FHIT: variants seen among roughly 807,000 people sequenced by gnomAD.
The protein encoded by FHIT is fragile histidine triad diadenosine triphosphatase.
In FHIT, 19 loss-of-function variants were observed where a neutral mutation model predicts 17.9. The observed-to-expected ratio is 1.06, with a 90% CI of 0.74 to 1.56. FHIT has a LOEUF of 1.56. Among genes scored for constraint, FHIT ranks in the 40% most tolerant of loss-of-function variants. The pLI, the probability that FHIT is intolerant of heterozygous loss-of-function variation, is 0.00. For missense variants in FHIT, 248 were observed against 189.2 expected, an observed-to-expected ratio of 1.31 and a Z score of -1.82; for synonymous variants, 81 against 69.7, an observed-to-expected ratio of 1.16 and a Z score of -0.81.
chr3:60,685,146 CT>C (rs2040834320), intron 4 of FHIT, among the ~76,000 whole-genome samples: 2 of 152,202 alleles, frequency 1.3e-5, no homozygotes, highest in Admixed American at 1.3e-4. Flanking sequence ...TTGTCACATA[CT>C]CACAATTTTC....
At chr3:60,218,148 G>A (rs1487024879) in intron 5 of FHIT, among the ~76,000 whole-genome samples, 5 of 151,842 alleles carry the variant, frequency 3.3e-5, no homozygotes, top group African/African-American at 9.7e-5. Flanking sequence ...AACTTCTTTC[G>A]GTCGTCAATC....
intron 3 of FHIT, among the ~76,000 whole-genome samples, chr3:60,924,071 T>A (rs1707443436): frequency 6.6e-6 from 1 of 152,126 alleles, no homozygotes; most frequent in Admixed American, 6.5e-5. Context: ...AAGCTCGAAC[T>A]CGGTGGAGCC....
At chr3:60,711,918 G>C (rs1449869696) in intron 4 of FHIT, among the ~76,000 whole-genome samples, 1 of 152,092 alleles carries the variant, frequency 6.6e-6, no homozygotes, top group African/African-American at 2.4e-5. Context: ...AGGAAATACA[G>C]AGAACGCCAC....
chr3:61,081,560 T>C (rs1387296654), intron 2 of FHIT, among the ~76,000 whole-genome samples: 1 of 152,212 alleles, frequency 6.6e-6, no homozygotes, highest in African/African-American at 2.4e-5. Flanking sequence ...ATTTGGTCAA[T>C]TCAGGGCACC....
At chr3:60,928,513 C>T (rs1300401539) in intron 3 of FHIT, among the ~76,000 whole-genome samples, 2 of 150,634 alleles carry the variant, frequency 1.3e-5, no homozygotes, top group African/African-American at 2.4e-5. Flanking sequence ...TGTGCTACTG[C>T]ACTCCAGCCT....
chr3:61,197,836 T>A (rs2038897506), intron 2 of FHIT, among the ~76,000 whole-genome samples: 1 of 151,990 alleles, frequency 6.6e-6, no homozygotes, highest in Non-Finnish European at 1.5e-5. Context: ...AGGGATGACT[T>A]CTCCGCTTCT....
intron 1 of FHIT, among the ~76,000 whole-genome samples, chr3:61,216,894 A>G (rs1474974323): frequency 6.6e-6 from 1 of 151,958 alleles, no homozygotes; most frequent in Admixed American, 6.6e-5. Flanking sequence ...TATCGCAAGG[A>G]CAAAAAACCA....
At chr3:59,800,155 T>C (rs1413356208) in intron 8 of FHIT, among the ~76,000 whole-genome samples, 2 of 152,224 alleles carry the variant, frequency 1.3e-5, no homozygotes, top group Non-Finnish European at 2.9e-5. Context: ...AATTAAATTA[T>C]CAAATGCAAA....
intron 5 of FHIT, among the ~76,000 whole-genome samples, chr3:60,375,886 A>G (rs954948670): frequency 6.6e-6 from 1 of 152,176 alleles, no homozygotes; most frequent in Non-Finnish European, 1.5e-5. Flanking sequence ...GTTGCCCAAT[A>G]TGGTAGTCAT....
At chr3:60,825,320 T>C (rs1209073493) in intron 3 of FHIT, among the ~76,000 whole-genome samples, 1 of 152,208 alleles carries the variant, frequency 6.6e-6, no homozygotes. Flanking sequence ...AAATATGCTA[T>C]ATTTATATGA....
At chr3:60,411,130 A>T (rs1559891637) in intron 5 of FHIT, among the ~76,000 whole-genome samples, 1 of 152,182 alleles carries the variant, frequency 6.6e-6, no homozygotes, top group Non-Finnish European at 1.5e-5. Context: ...CTGCACCATC[A>T]TAGAACGATC....
At chr3:60,968,774 G>T (rs1346172682) in intron 3 of FHIT, among the ~76,000 whole-genome samples, 2 of 152,054 alleles carry the variant, frequency 1.3e-5, no homozygotes, top group African/African-American at 4.8e-5. Context: ...ATTTTGCTGA[G>T]ATTTTACCAT....
At chr3:60,635,704 T>C (rs1424645715) in intron 4 of FHIT, among the ~76,000 whole-genome samples, 1 of 152,168 alleles carries the variant, frequency 6.6e-6, no homozygotes, top group African/African-American at 2.4e-5. Context: ...TAAGACTGCA[T>C]AGTAAGTGGC....
intron 5 of FHIT, among the ~76,000 whole-genome samples, chr3:60,410,330 A>G (rs2107222615): frequency 6.6e-6 from 1 of 152,306 alleles, no homozygotes; most frequent in Non-Finnish European, 1.5e-5. Flanking sequence ...TACTAAAGAA[A>G]AGAAAGTCTA....
At chr3:59,947,346 G>T (rs890555244) in intron 7 of FHIT, among the ~76,000 whole-genome samples, 1 of 151,862 alleles carries the variant, frequency 6.6e-6, no homozygotes, top group African/African-American at 2.4e-5. Flanking sequence ...ATTTCTGGGG[G>T]GTTGGTGGTA....
chr3:61,178,439 T>A (rs1430384331), intron 2 of FHIT, among the ~76,000 whole-genome samples: 1 of 151,180 alleles, frequency 6.6e-6, no homozygotes, highest in Admixed American at 6.6e-5. Context: ...ATAAGAGGTG[T>A]TATTTTCAAG....
intron 2 of FHIT, among the ~76,000 whole-genome samples, chr3:61,163,305 C>T (rs1173204706): frequency 6.6e-6 from 1 of 152,214 alleles, no homozygotes; most frequent in East Asian, 1.9e-4. Flanking sequence ...TGACATTTAT[C>T]TGTCTGGATT....
chr3:61,211,517 A>G (rs902191559), intron 1 of FHIT, among the ~76,000 whole-genome samples: 6 of 152,212 alleles, frequency 3.9e-5, no homozygotes, highest in African/African-American at 1.4e-4. Context: ...TGAACTGGGT[A>G]GAGCCCACCA....
rs78549885 is a variant in FHIT at position 60,139,563 on chromosome 3, C to T, written c.104-125411G>A. Among the ~76,000 whole-genome samples the T allele has an allele frequency of 1.6e-3, 236 of 152,256 alleles. 2 individuals carry two copies. Among genetic ancestry groups the T allele is most frequent in the African/African-American group, 5.6e-3 (231 of 41,562 alleles). ...AGAAGCCTTGCACAATCCTCAGCTACTCATTGATCACACAGAATTGTAACC... is the reference window on the plus strand; with the variant it reads ...AGAAGCCTTGCACAATCCTCAGCTATTCATTGATCACACAGAATTGTAACC... On this transcript the variant is annotated intron_variant, in intron 5 of 9. Transcript: ENST00000492590.
Sources: allele counts gnomAD v4.1 joint callset (sites outside exome capture counted in the v4.1 genomes callset), GRCh38; gene constraint gnomAD v4.1.1; transcripts MANE v1.5; gene names NCBI Gene and HGNC (gene_info 2026-07-23, HGNC 2026-07-21).